ULK4: variants seen among roughly 807,000 people sequenced by gnomAD.
ULK4 encodes unc-51 like kinase 4.
A neutral mutation model predicts 160.6 loss-of-function variants in ULK4; 133 were observed. That is an observed-to-expected ratio of 0.83 (90% CI 0.72 to 0.96). ULK4 has a LOEUF of 0.96. Ranked by LOEUF, ULK4 falls within the 40% of genes least tolerant of loss-of-function variation. The pLI, the probability that ULK4 is intolerant of heterozygous loss-of-function variation, is 0.00. For missense variants in ULK4, 1,580 were observed against 1,499.5 expected (o/e 1.05, Z -0.89); for synonymous variants, 534 against 539.8 (o/e 0.99, Z 0.15).
rs767841450 is a variant in ULK4, at chr3:41,912,798, G to T, written c.896+9C>A. The T allele has an allele frequency of 1.2e-6, 2 of 1,613,140 alleles. No individual in the cohort carries two copies. Among genetic ancestry groups the T allele is most frequent in the Admixed American group, 3.3e-5 (2 of 60,000 alleles). Reference sequence around the variant, plus strand: ...CTATGTCCCATACACAAAGGTAAGTGTATACTACCTGAGACTGAGATCTTC... The same window carrying T: ...CTATGTCCCATACACAAAGGTAAGTTTATACTACCTGAGACTGAGATCTTC... On this transcript the variant is annotated intron_variant, in intron 9 of 36. Coordinates refer to ENST00000301831, the MANE Select transcript of ULK4 (RefSeq NM_017886.4).
At chr3:41,666,184 T>G (rs1202284560) in intron 29 of ULK4, among the ~76,000 whole-genome samples, 1 of 152,172 alleles carries the variant, frequency 6.6e-6, no homozygotes, top group African/African-American at 2.4e-5. Flanking sequence ...ATGGACCACT[T>G]GTGGAACTGA....
At chr3:41,804,100 C>A (rs13096332) in intron 19 of ULK4, among the ~76,000 whole-genome samples, 16,666 of 150,976 alleles carry the variant, frequency 0.11, 2,983 homozygotes, top group African/African-American at 0.38. Flanking sequence ...ACAGTCCCAC[C>A]AACACTGTAA....
intron 22 of ULK4, among the ~76,000 whole-genome samples, chr3:41,752,073 A>T (rs1412060908): frequency 1.3e-5 from 2 of 152,228 alleles, no homozygotes; most frequent in African/African-American, 4.8e-5. Context: ...AAGAAACAAA[A>T]GCTGATTTGC....
At chr3:41,786,679 G>A (rs1461539320) in intron 21 of ULK4, among the ~76,000 whole-genome samples, 2 of 148,292 alleles carry the variant, frequency 1.3e-5, no homozygotes, top group East Asian at 2.0e-4. Flanking sequence ...ATAGAATCTT[G>A]AACTCTAAAT....
intron 32 of ULK4, among the ~76,000 whole-genome samples, chr3:41,561,142 T>C (rs192638598): frequency 0.023 from 3,467 of 152,314 alleles, 60 homozygotes; most frequent in Non-Finnish European, 0.035. Context: ...TTGTCATTGA[T>C]TCTGTTTACG....
intron 34 of ULK4, among the ~76,000 whole-genome samples, chr3:41,422,973 T>C (rs1018854669): frequency 6.6e-6 from 1 of 152,176 alleles, no homozygotes; most frequent in Non-Finnish European, 1.5e-5. Flanking sequence ...TGTACATTCA[T>C]ACTATAAAAT....
chr3:41,723,789 A>C (rs940593841), intron 22 of ULK4, among the ~76,000 whole-genome samples: 8 of 152,216 alleles, frequency 5.3e-5, no homozygotes, highest in Non-Finnish European at 1.2e-4. Context: ...GGACTAAGTA[A>C]ATTTATGCAC....
intron 32 of ULK4, among the ~76,000 whole-genome samples, chr3:41,480,442 A>G (rs2084285250): frequency 1.3e-5 from 2 of 151,792 alleles, no homozygotes; most frequent in East Asian, 1.9e-4. Context: ...CTTGAATGCA[A>G]TTTTCTTCTG....
At chr3:41,895,704 T>C (rs1698128633) in intron 15 of ULK4, 140 bp from the exon 16 acceptor site, 2 of 419,272 alleles carry the variant, frequency 4.8e-6, no homozygotes. Context: ...TGGTATTTAC[T>C]AAATTACAAA....
intron 30 of ULK4, among the ~76,000 whole-genome samples, chr3:41,633,886 T>C (rs1182262470): frequency 2.0e-5 from 3 of 152,134 alleles, no homozygotes; most frequent in Non-Finnish European, 2.9e-5. Flanking sequence ...CGCAATGTCA[T>C]TTATTGGAGC....
Position 41,463,615 on chromosome 3 carries a change from A to G in ULK4, c.3227-362T>C, listed in dbSNP as rs550986324. On this transcript the variant is annotated intron_variant, in intron 32 of 36. Transcript: ENST00000301831. ...TTCTTGTTTGAAGGCAGTTTTCTTT[A>G]GTGCATGATCAAGGGCCACAGTGAA... 9.7e-4 allele frequency among the ~76,000 whole-genome samples: 148 copies of G among 152,342 alleles called. 1 individual carries two copies. In the Middle Eastern group the frequency reaches 0.01, roughly 11 times the overall value.
intron 35 of ULK4, among the ~76,000 whole-genome samples, chr3:41,265,532 T>G (rs2079015639): frequency 6.6e-6 from 1 of 152,210 alleles, no homozygotes. Flanking sequence ...TGAAGCACAC[T>G]TGGTTTACAT....
At chr3:41,767,725 T>C (rs529460297) in intron 21 of ULK4, among the ~76,000 whole-genome samples, 7 of 152,260 alleles carry the variant, frequency 4.6e-5, no homozygotes, top group African/African-American at 1.4e-4. Context: ...CAGATAAATC[T>C]TACATACAGC....
chr3:41,422,022 A>G (rs1044918611), intron 34 of ULK4, among the ~76,000 whole-genome samples: 1 of 152,034 alleles, frequency 6.6e-6, no homozygotes, highest in African/African-American at 2.4e-5. Flanking sequence ...TTTACCCTTT[A>G]AACTGGCAGC....
rs371948024 is a variant in ULK4 at position 41,921,952 on chromosome 3, G to A, written c.542-2134C>T. Among the ~76,000 whole-genome samples the A allele has an allele frequency of 8.1e-4, 123 of 152,104 alleles. 1 individual carries two copies. The highest frequency in any genetic ancestry group is 2.8e-3 in the African/African-American group (116 of 41,502). ...GCGGATCACCTGAGGTCAGGAGTTCGAGACCAGCCTGACCAACATGGACAA... is the reference window on the plus strand; with the variant it reads ...GCGGATCACCTGAGGTCAGGAGTTCAAGACCAGCCTGACCAACATGGACAA... On this transcript the variant is annotated intron_variant, in intron 5 of 36. Coordinates refer to ENST00000301831, the MANE Select transcript of ULK4 (RefSeq NM_017886.4).
intron 32 of ULK4, among the ~76,000 whole-genome samples, chr3:41,548,181 C>T (rs2086931622): frequency 6.6e-6 from 1 of 152,136 alleles, no homozygotes; most frequent in African/African-American, 2.4e-5. Context: ...CCATGTGCAC[C>T]ATTAGAAAGT....
intron 21 of ULK4, among the ~76,000 whole-genome samples, chr3:41,770,510 C>CT (rs560284136): frequency 0.23 from 31,494 of 135,470 alleles, 5,096 homozygotes; most frequent in African/African-American, 0.46. Context: ...TAGAAAGATA[C>CT]TTTTTTTTTT....
At chr3:41,731,816 A>T (rs978519887) in intron 22 of ULK4, among the ~76,000 whole-genome samples, 7 of 152,138 alleles carry the variant, frequency 4.6e-5, no homozygotes, top group African/African-American at 1.7e-4. Flanking sequence ...TGGAGAACAC[A>T]AAAGTAAATC....
Position 41,803,285 on chromosome 3 carries a change from G to C in ULK4, c.1849-2992C>G, listed in dbSNP as rs575055341. On this transcript the variant is annotated intron_variant, in intron 19 of 36. Transcript: ENST00000301831. ...TTTATACAACACTCCACTCAACAAA[G>C]GTAAAAGACACATTCTTTTCAAGAT... Among the ~76,000 whole-genome samples the C allele has an allele frequency of 4.0e-5, 6 of 151,896 alleles. No individual in the cohort carries two copies. The South Asian group carries it at 1.2e-3, about 32-fold the overall frequency.
Sources: allele counts gnomAD v4.1 joint callset (sites outside exome capture counted in the v4.1 genomes callset), GRCh38; gene constraint gnomAD v4.1.1; transcripts MANE v1.5; gene names NCBI Gene and HGNC (gene_info 2026-07-23, HGNC 2026-07-21).